Variants in DCC observed in about 807,000 individuals in gnomAD.
The protein encoded by DCC is netrin receptor DCC.
In DCC, 58 loss-of-function variants were observed where a neutral mutation model predicts 172.5. The observed-to-expected ratio is 0.34, with a 90% CI of 0.27 to 0.42. DCC has a LOEUF of 0.42. DCC is among the 10% of genes least tolerant of loss of function. The pLI is 1.00. For missense variants in DCC, 1,740 were observed against 1,791.0 expected, an observed-to-expected ratio of 0.97 and a Z score of 0.51; for synonymous variants, 709 against 644.5, an observed-to-expected ratio of 1.10 and a Z score of -1.52.
chr18:52,439,759 A>T (rs143369663), intron 1 of DCC, among the ~76,000 whole-genome samples: 2 of 152,342 alleles, frequency 1.3e-5, no homozygotes, highest in East Asian at 3.9e-4. Flanking sequence ...TACCTAGTGA[A>T]TAAATATTTG....
chr18:52,908,783 A>G (rs1365329584), intron 3 of DCC, among the ~76,000 whole-genome samples: 1 of 152,198 alleles, frequency 6.6e-6, no homozygotes, highest in African/African-American at 2.4e-5. Context: ...AGCATTTCTT[A>G]GCTGAATTGA....
chr18:52,445,980 A>G (rs9960292), intron 1 of DCC, among the ~76,000 whole-genome samples: 36,320 of 152,152 alleles, frequency 0.24, 4,735 homozygotes, highest in Admixed American at 0.33. Flanking sequence ...CGCCCAGGCT[A>G]GAGTGCAGTG....
At chr18:53,351,279 T>C (rs2057788814) in intron 15 of DCC, among the ~76,000 whole-genome samples, 1 of 92,850 alleles carries the variant, frequency 1.1e-5, no homozygotes, top group Non-Finnish European at 2.2e-5. Flanking sequence ...AAAGATCTTC[T>C]CATTGAGTAC....
chr18:52,460,133 G>A (rs142965313), intron 1 of DCC, among the ~76,000 whole-genome samples: 4 of 152,134 alleles, frequency 2.6e-5, no homozygotes, highest in African/African-American at 9.6e-5. Context: ...CTCACTTCCT[G>A]CTTTAGATAT....
chr18:52,450,892 G>T (rs1451806177), intron 1 of DCC, among the ~76,000 whole-genome samples: 1 of 152,114 alleles, frequency 6.6e-6, no homozygotes, highest in Non-Finnish European at 1.5e-5. Context: ...ATCCAAAAAA[G>T]TATATTAATA....
chr18:52,444,227 A>G (rs1988055497), intron 1 of DCC, among the ~76,000 whole-genome samples: 1 of 152,158 alleles, frequency 6.6e-6, no homozygotes, highest in Non-Finnish European at 1.5e-5. Context: ...TTCACCTCTA[A>G]AATGAGGTGT....
intron 5 of DCC, among the ~76,000 whole-genome samples, chr18:52,962,054 A>G (rs1191205933): frequency 6.6e-6 from 1 of 152,074 alleles, no homozygotes; most frequent in Non-Finnish European, 1.5e-5. Flanking sequence ...ATGGGCAAGG[A>G]CTTCATGTCT....
intron 27 of DCC, among the ~76,000 whole-genome samples, chr18:53,511,073 G>T (rs181357483): frequency 6.6e-6 from 1 of 152,264 alleles, no homozygotes; most frequent in East Asian, 1.9e-4. Context: ...TGAGCAATAA[G>T]GTATGCTTTA....
intron 2 of DCC, among the ~76,000 whole-genome samples, chr18:52,836,612 G>C (rs896589687): frequency 6.6e-6 from 1 of 152,318 alleles, no homozygotes; most frequent in African/African-American, 2.4e-5. Flanking sequence ...CATGTCTCAC[G>C]TGCAGGTCTT....
intron 1 of DCC, among the ~76,000 whole-genome samples, chr18:52,553,334 A>C (rs2032827543): frequency 6.6e-6 from 1 of 152,040 alleles, no homozygotes; most frequent in Admixed American, 6.6e-5. Flanking sequence ...CTCTCCAAGA[A>C]CCAAAAGACC....
rs1027705495 is a variant in DCC, at chr18:53,125,126, T to G, written c.1262-32230T>G. Among the ~76,000 whole-genome samples the G allele has an allele frequency of 3.9e-5, 6 of 152,118 alleles. No homozygotes were observed. In the South Asian group the frequency reaches 6.2e-4, roughly 16 times the overall value. On this transcript the variant is annotated intron_variant, in intron 7 of 28. Coordinates refer to ENST00000442544, the MANE Select transcript of DCC (RefSeq NM_005215.4). ...GTAAGTCACTCTATTATCAAAGCAG[T>G]AATCTAAAATTATCCAGGAAAATAA... is the stretch of plus-strand genomic sequence containing the variant.
chr18:52,893,853 C>T (rs1417992612), intron 2 of DCC, among the ~76,000 whole-genome samples: 2 of 152,114 alleles, frequency 1.3e-5, no homozygotes, highest in Admixed American at 6.6e-5. Flanking sequence ...ATTCCCCCCT[C>T]ATGAAGATCA....
chr18:53,254,633 C>T (rs1017728089), intron 12 of DCC, among the ~76,000 whole-genome samples: 1 of 151,996 alleles, frequency 6.6e-6, no homozygotes, highest in Non-Finnish European at 1.5e-5. Context: ...CCATCACACC[C>T]AGTTCTATTC....
intron 9 of DCC, among the ~76,000 whole-genome samples, chr18:53,191,288 A>C (rs1400210991): frequency 6.6e-6 from 1 of 152,218 alleles, no homozygotes; most frequent in Non-Finnish European, 1.5e-5. Context: ...CATATTATTT[A>C]AGAGCAAAAA....
intron 7 of DCC, among the ~76,000 whole-genome samples, chr18:53,089,630 A>C (rs1010614909): frequency 6.6e-6 from 1 of 152,020 alleles, no homozygotes; most frequent in Non-Finnish European, 1.5e-5. Flanking sequence ...AACCTTCTTT[A>C]TGGGCACCTA....
intron 13 of DCC, among the ~76,000 whole-genome samples, chr18:53,308,976 G>C (rs186761684): frequency 6.6e-6 from 1 of 152,162 alleles, no homozygotes; most frequent in Admixed American, 6.6e-5. Context: ...TAGATGCATT[G>C]CTCTAATCTC....
chr18:52,828,407 G>A (rs1045863626), intron 2 of DCC, among the ~76,000 whole-genome samples: 38 of 151,584 alleles, frequency 2.5e-4, no homozygotes, highest in African/African-American at 8.7e-4. Flanking sequence ...TTACAACCCC[G>A]TCTTATAAAG....
intron 1 of DCC, among the ~76,000 whole-genome samples, chr18:52,582,668 G>A (rs2033577227): frequency 6.6e-6 from 1 of 152,104 alleles, no homozygotes; most frequent in Non-Finnish European, 1.5e-5. Context: ...GATGACTAGG[G>A]ACAGGGCCAT....
At chr18:53,141,292 A>T (rs186059066) in intron 7 of DCC, among the ~76,000 whole-genome samples, 1 of 152,334 alleles carries the variant, frequency 6.6e-6, no homozygotes, top group East Asian at 1.9e-4. Flanking sequence ...ACCACTGTGT[A>T]TGAGTGGGTA....
Sources: allele counts gnomAD v4.1 joint callset (sites outside exome capture counted in the v4.1 genomes callset), GRCh38; gene constraint gnomAD v4.1.1; transcripts MANE v1.5; gene names NCBI Gene and HGNC (gene_info 2026-07-23, HGNC 2026-07-21).